The following LRRC7 variants were observed in gnomAD, a reference collection of about 807,000 sequenced individuals.
The protein encoded by LRRC7 is leucine-rich repeat-containing protein 7.
LRRC7 carries 23 observed loss-of-function variants against 175.7 expected under a neutral mutation model. The ratio of observed to expected loss-of-function variants is 0.13; its 90% CI spans 0.09 to 0.19. The LOEUF is 0.19. LRRC7 is among the 10% of genes least tolerant of loss of function. The probability of loss-of-function intolerance (pLI) is 1.00; values close to 1 mark genes in which losing one functional copy is unlikely to be tolerated. For missense variants in LRRC7, 1,354 were observed against 1,904.7 expected (o/e 0.71, Z 5.38); for synonymous variants, 685 against 680.9 (o/e 1.01, Z -0.09).
At chr1:69,995,993 T>G (rs1251223835) in intron 11 of LRRC7, among the ~76,000 whole-genome samples, 1 of 149,616 alleles carries the variant, frequency 6.7e-6, no homozygotes, top group East Asian at 2.0e-4. Flanking sequence ...ACTTCCACAA[T>G]GGTTGAACTA....
chr1:69,757,864 C>G (rs1273694942), intron 2 of LRRC7, among the ~76,000 whole-genome samples: 1 of 151,768 alleles, frequency 6.6e-6, no homozygotes, highest in Non-Finnish European at 1.5e-5. Context: ...AATGTGACTA[C>G]TAGATACTCA....
intron 1 of LRRC7, among the ~76,000 whole-genome samples, chr1:69,663,060 G>A (rs1016584376): frequency 3.3e-5 from 5 of 152,128 alleles, no homozygotes; most frequent in African/African-American, 1.2e-4. Context: ...GGACAGAGAA[G>A]ACTATTTATT....
chr1:69,700,237 A>C (rs531019059), intron 2 of LRRC7, among the ~76,000 whole-genome samples: 2 of 152,254 alleles, frequency 1.3e-5, no homozygotes, highest in South Asian at 4.2e-4. Flanking sequence ...TTTATTACTT[A>C]CTAGCTGTGT....
intron 2 of LRRC7, among the ~76,000 whole-genome samples, chr1:69,718,138 G>GAAAGAAAA (rs772161376): frequency 2.4e-5 from 1 of 40,972 alleles, no homozygotes; most frequent in Non-Finnish European, 4.2e-5. Flanking sequence ...AAGAAAGAAA[G>GAAAGAAAA]AGAGAGAAAG....
intron 3 of LRRC7, among the ~76,000 whole-genome samples, chr1:69,779,212 C>T (rs1047510931): frequency 6.6e-6 from 1 of 151,986 alleles, no homozygotes; most frequent in Admixed American, 6.6e-5. Flanking sequence ...AAAAAAGCAA[C>T]AAAAGGAACC....
At chr1:69,620,430 C>T (rs1250635505) in intron 1 of LRRC7, among the ~76,000 whole-genome samples, 2 of 152,064 alleles carry the variant, frequency 1.3e-5, no homozygotes, top group African/African-American at 2.4e-5. Flanking sequence ...GCTCTAGAAT[C>T]GCACTCTTTC....
chr1:69,580,213 A>G (rs1352801036), intron 1 of LRRC7, among the ~76,000 whole-genome samples: 1 of 152,136 alleles, frequency 6.6e-6, no homozygotes, highest in East Asian at 1.9e-4. Flanking sequence ...GTGAAATCCT[A>G]TTCTATTAAA....
chr1:69,936,486 C>T (rs943557189), intron 8 of LRRC7, among the ~76,000 whole-genome samples: 1 of 152,092 alleles, frequency 6.6e-6, no homozygotes, highest in Non-Finnish European at 1.5e-5. Context: ...TTCCTAAGTA[C>T]ATTATTTTTA....
At chr1:69,802,391 G>A (rs180786444) in intron 4 of LRRC7, among the ~76,000 whole-genome samples, 6 of 151,398 alleles carry the variant, frequency 4.0e-5, no homozygotes, top group Admixed American at 2.0e-4. Flanking sequence ...ATAAATCTGG[G>A]CGCTCCAGTG....
intron 1 of LRRC7, among the ~76,000 whole-genome samples, chr1:69,582,399 A>C (rs1646235050): frequency 6.6e-6 from 1 of 152,116 alleles, no homozygotes; most frequent in Non-Finnish European, 1.5e-5. Flanking sequence ...TCACTCCAGG[A>C]TCCAAGCTGA....
At chr1:69,927,637 G>A (rs190715270) in intron 7 of LRRC7, among the ~76,000 whole-genome samples, 2,481 of 152,042 alleles carry the variant, frequency 0.016, 66 homozygotes, top group African/African-American at 0.057. Context: ...CGTAGTTCTC[G>A]AGCCTTGGCT....
chr1:70,043,044 CAAT>C (rs1329706937), intron 21 of LRRC7, among the ~76,000 whole-genome samples: 1 of 151,650 alleles, frequency 6.6e-6, no homozygotes. Context: ...CAAATGCTGT[CAAT>C]GATTACATTT....
intron 1 of LRRC7, chr1:69,607,908 A>G (rs1647880770): frequency 6.6e-6 from 1 of 152,200 alleles, no homozygotes; most frequent in Non-Finnish European, 1.5e-5. Flanking sequence ...GAACTTGTAT[A>G]AACCCTTCCC....
chr1:69,771,982 C>T (rs927956716), intron 3 of LRRC7, among the ~76,000 whole-genome samples: 2 of 151,918 alleles, frequency 1.3e-5, no homozygotes, highest in African/African-American at 4.8e-5. Context: ...ATTAGCCAGG[C>T]ATGATGGCGG....
intron 2 of LRRC7, among the ~76,000 whole-genome samples, chr1:69,710,152 C>T (rs1054612649): frequency 2.6e-5 from 4 of 151,392 alleles, no homozygotes; most frequent in African/African-American, 9.7e-5. Context: ...GTGATGGGTG[C>T]TTGTAGTCCC....
chr1:69,672,396 G>A (rs1659211762), intron 1 of LRRC7, among the ~76,000 whole-genome samples: 2 of 152,220 alleles, frequency 1.3e-5, no homozygotes, highest in Admixed American at 6.5e-5. Context: ...AAGTTCTATT[G>A]CACAACCCAC....
At position 70,131,403 on chromosome 1, in the gene LRRC7, G is replaced by A. The variant is rs1237608760; in HGVS notation, c.*9516G>A. ...TCATGGGACCTTAATTTCCTTTCAA[G>A]TAAAACATTTCTGTCCTAGCTTTCT... On this transcript the variant is annotated 3_prime_UTR_variant, in exon 27 of 27. Transcript: ENST00000651989. 6.6e-6 allele frequency among the ~76,000 whole-genome samples: 1 copy of A among 152,132 alleles called. No individual in the cohort carries two copies. Among genetic ancestry groups the A allele is most frequent in the African/African-American group, 2.4e-5 (1 of 41,428 alleles).
Position 70,132,763 on chromosome 1 carries a change from G to T in LRRC7, c.*10876G>T, listed in dbSNP as rs1404806965. Among the ~76,000 whole-genome samples, 2 of 152,002 alleles carry T rather than the reference G, an allele frequency of 1.3e-5. No homozygotes were observed. The highest frequency in any genetic ancestry group is 4.8e-5 in the African/African-American group (2 of 41,386). On this transcript the variant is annotated 3_prime_UTR_variant, in exon 27 of 27. Transcript: ENST00000651989. ...GGGGATTACAGGCGTGAGACACCGCGCCCGGCCGTACTTTTCTTAAATAAA... is the reference window on the plus strand; with the variant it reads ...GGGGATTACAGGCGTGAGACACCGCTCCCGGCCGTACTTTTCTTAAATAAA...
chr1:69,773,081 A>G (rs1044528933), intron 3 of LRRC7, among the ~76,000 whole-genome samples: 8 of 152,196 alleles, frequency 5.3e-5, no homozygotes, highest in African/African-American at 1.9e-4. Context: ...AAGCAGAAAC[A>G]TGGGACCAGC....
Sources: allele counts gnomAD v4.1 joint callset (sites outside exome capture counted in the v4.1 genomes callset), GRCh38; gene constraint gnomAD v4.1.1; transcripts MANE v1.5; gene names NCBI Gene and HGNC (gene_info 2026-07-23, HGNC 2026-07-21).